KCNQ1: variants seen among roughly 807,000 people sequenced by gnomAD.
KCNQ1 encodes the protein potassium voltage-gated channel subfamily KQT member 1.
KCNQ1 carries 49 observed loss-of-function variants against 72.4 expected under a neutral mutation model. That is an observed-to-expected ratio of 0.68 (90% CI 0.54 to 0.86). The LOEUF is 0.86. Ranked by LOEUF, KCNQ1 falls within the 40% of genes least tolerant of loss-of-function variation. KCNQ1 has a pLI of 0.00. For synonymous variants in KCNQ1, 450 were observed against 412.6 expected, an observed-to-expected ratio of 1.09 and a Z score of -1.10; for missense variants, 790 against 945.1, an observed-to-expected ratio of 0.84 and a Z score of 2.15.
intron 2 of KCNQ1, among the ~76,000 whole-genome samples, chr11:2,561,795 A>G (rs1371612744): frequency 1.3e-5 from 2 of 152,176 alleles, no homozygotes; most frequent in Non-Finnish European, 2.9e-5. Flanking sequence ...CTAGCTGTGC[A>G]GGGGCCCAGA....
intron 15 of KCNQ1, among the ~76,000 whole-genome samples, chr11:2,836,633 G>A (rs992316157): frequency 7.2e-5 from 11 of 152,224 alleles, no homozygotes; most frequent in African/African-American, 1.9e-4. Context: ...CTGCACAGCC[G>A]TCCCAGGAGC....
At position 2,488,072 on chromosome 11, in the gene KCNQ1, G is replaced by A. The variant is rs1227376425; in HGVS notation, c.387-39856G>A. 6.6e-6 allele frequency among the ~76,000 whole-genome samples: 1 copy of A among 152,120 alleles called. No individual in the cohort carries two copies. Among genetic ancestry groups the A allele is most frequent in the Non-Finnish European group, 1.5e-5 (1 of 68,002 alleles). ...CTAGTTTGTTGAGAGTTTTTAATAA[G>A]GATGTTGAATTTTGTCAAATGCTTT... On this transcript the variant is annotated intron_variant, in intron 1 of 15. Coordinates refer to ENST00000155840, the MANE Select transcript of KCNQ1 (RefSeq NM_000218.3). The surrounding 1 kb of genome is among the most constrained non-coding windows in gnomAD (Gnocchi z 5.1).
rs1053641900 is a variant in KCNQ1 at position 2,608,392 on chromosome 11, A to G, written c.1393+19538A>G. On this transcript the variant is annotated intron_variant, in intron 10 of 15. Transcript: ENST00000155840. The surrounding 1 kb of genome is among the most constrained non-coding windows in gnomAD (Gnocchi z 4.6). ...CAATTTCATCTAAGTTTTATAATTT[A>G]TTGGCACAAAATTGTTCATAGTGTT... 2.5e-6 allele frequency: 1 copy of G among 398,438 alleles called. No individual in the cohort carries two copies. The highest frequency in any genetic ancestry group is 2.1e-5 in the African/African-American group (1 of 48,610). 24.7% of individuals were successfully genotyped at this position (398,438 alleles called of 1,614,324 possible). A position where few individuals can be genotyped will look rare whatever the true frequency, so the allele number is the denominator to read the frequency against.
chr11:2,654,308 T>A lies in KCNQ1; in HGVS notation c.1394-7653T>A. 2.8e-6 allele frequency: 1 copy of A among 361,122 alleles called. No individual in the cohort carries two copies. The highest frequency in any genetic ancestry group is 4.8e-6 in the Non-Finnish European group (1 of 206,662). The allele number at this position is 361,122 out of a possible 1,614,324, so 22.4% of individuals were successfully genotyped here. A position where few individuals can be genotyped will look rare whatever the true frequency, so the allele number is the denominator to read the frequency against. On this transcript the variant is annotated intron_variant, in intron 10 of 15. Coordinates refer to ENST00000155840, the MANE Select transcript of KCNQ1 (RefSeq NM_000218.3). This position sits in a 1 kb window ranked among gnomAD's most constrained non-coding sequence, Gnocchi z 6.4. ...AATCCACTGAGAGGGGGAGATTTCT[T>A]GAGGGGGCCAGGGAGGGGGCTTCTA...
chr11:2,583,996 GTGTGT>G (rs1227341719), intron 7 of KCNQ1, among the ~76,000 whole-genome samples: 4 of 152,186 alleles, frequency 2.6e-5, no homozygotes. Flanking sequence ...GTGTGTGTGT[GTGTGT>G]TATGTGCGTA....
intron 11 of KCNQ1, among the ~76,000 whole-genome samples, chr11:2,731,498 GGGC>G (rs1432077090): frequency 5.3e-5 from 8 of 152,236 alleles, no homozygotes; most frequent in Non-Finnish European, 1.0e-4. Context: ...CGGACACCCA[GGGC>G]GGCCATCTCT....
At chr11:2,845,813 C>T (rs1848314366) in intron 15 of KCNQ1, among the ~76,000 whole-genome samples, 1 of 152,288 alleles carries the variant, frequency 6.6e-6, no homozygotes, top group South Asian at 2.1e-4. Context: ...CCCACCTAGC[C>T]CTCTAGACAG....
chr11:2,798,549 GAA>G (rs34275888), intron 15 of KCNQ1, among the ~76,000 whole-genome samples: 9,346 of 142,164 alleles, frequency 0.066, 486 homozygotes, highest in East Asian at 0.26. Flanking sequence ...CGAGTTCCCT[GAA>G]AAAAAAAAAA....
At position 2,817,793 on chromosome 11, in the gene KCNQ1, G is replaced by C. The variant is rs2097647238; in HGVS notation, c.1795-29974G>C. ...ACTCAAAGAGACATGATATCCCCTTGGGCTGCAACTTAAATTCCAAGGAGA... is the reference window on the plus strand; with the variant it reads ...ACTCAAAGAGACATGATATCCCCTTCGGCTGCAACTTAAATTCCAAGGAGA... On this transcript the variant is annotated intron_variant, in intron 15 of 15. Transcript: ENST00000155840. This position sits in a 1 kb window ranked among gnomAD's most constrained non-coding sequence, Gnocchi z 6.1. 6.6e-6 allele frequency among the ~76,000 whole-genome samples: 1 copy of C among 152,042 alleles called. No individual in the cohort carries two copies. Among genetic ancestry groups the C allele is most frequent in the Non-Finnish European group, 1.5e-5 (1 of 68,018 alleles).
rs960185820 is a variant in KCNQ1 at position 2,516,910 on chromosome 11, C to A, written c.387-11018C>A. Among the ~76,000 whole-genome samples, 2 of 152,122 alleles carry A rather than the reference C, an allele frequency of 1.3e-5. No homozygotes were observed. Among genetic ancestry groups the A allele is most frequent in the Non-Finnish European group, 2.9e-5 (2 of 68,016 alleles). Reference sequence around the variant, plus strand: ...ACCCCCCAGAGTTTGCCTGGTGTCACCGGGAAGCTTCCTGGCTGCCCGAGG... The same window carrying A: ...ACCCCCCAGAGTTTGCCTGGTGTCAACGGGAAGCTTCCTGGCTGCCCGAGG... On this transcript the variant is annotated intron_variant, in intron 1 of 15. Transcript: ENST00000155840. This position sits in a 1 kb window ranked among gnomAD's most constrained non-coding sequence, Gnocchi z 7.0.
Position 2,601,470 on chromosome 11 carries a change from T to C in KCNQ1, c.1393+12616T>C, listed in dbSNP as rs1848806180. Among the ~76,000 whole-genome samples, 2 of 152,190 alleles carry C rather than the reference T, an allele frequency of 1.3e-5. No individual in the cohort carries two copies. Among genetic ancestry groups the C allele is most frequent in the Admixed American group, 1.3e-4 (2 of 15,272 alleles). ...TCAGTGGTAGCATCTTCTAAAACCA[T>C]AGCACAATATGATAACCAGGATGTC... On this transcript the variant is annotated intron_variant, in intron 10 of 15. Coordinates refer to ENST00000155840, the MANE Select transcript of KCNQ1 (RefSeq NM_000218.3). This position sits in a 1 kb window ranked among gnomAD's most constrained non-coding sequence, Gnocchi z 5.2.
chr11:2,548,033 C>G (rs993892287), intron 2 of KCNQ1, among the ~76,000 whole-genome samples: 80 of 152,100 alleles, frequency 5.3e-4, no homozygotes, highest in African/African-American at 1.7e-3. Flanking sequence ...GGGCTTGGGG[C>G]GACTCTGGGG....
At chr11:2,829,489 A>G (rs569423476) in intron 15 of KCNQ1, among the ~76,000 whole-genome samples, 55 of 152,354 alleles carry the variant, frequency 3.6e-4, no homozygotes, top group African/African-American at 1.2e-3. Context: ...AACAGACCAC[A>G]GGACACAGCT....
At position 2,723,212 on chromosome 11, in the gene KCNQ1, A is replaced by G. The variant is rs1590053462; in HGVS notation, c.1515-45632A>G. 6.6e-6 allele frequency among the ~76,000 whole-genome samples: 1 copy of G among 152,074 alleles called. No individual in the cohort carries two copies. Among genetic ancestry groups the G allele is most frequent in the Non-Finnish European group, 1.5e-5 (1 of 68,000 alleles). ...GCTGCTTGTCCGTGGTGCTCCACAC[A>G]CCTGCCACAGCTGCTTACCCCACTC... On this transcript the variant is annotated intron_variant, in intron 11 of 15. Transcript: ENST00000155840. This position sits in a 1 kb window ranked among gnomAD's most constrained non-coding sequence, Gnocchi z 4.2.
intron 15 of KCNQ1, among the ~76,000 whole-genome samples, chr11:2,780,455 G>T (rs1442930349): frequency 6.6e-6 from 1 of 152,168 alleles, no homozygotes; most frequent in African/African-American, 2.4e-5. Context: ...AATGCCCGCC[G>T]GCCCTGCCAA....
Position 2,507,204 on chromosome 11 carries a change from C to T in KCNQ1, c.387-20724C>T, listed in dbSNP as rs1375678961. 1.3e-5 allele frequency among the ~76,000 whole-genome samples: 2 copies of T among 152,150 alleles called. No homozygotes were observed. Among genetic ancestry groups the T allele is most frequent in the South Asian group, 2.1e-4 (1 of 4,820 alleles). On this transcript the variant is annotated intron_variant, in intron 1 of 15. Transcript: ENST00000155840. The surrounding 1 kb of genome is among the most constrained non-coding windows in gnomAD (Gnocchi z 5.4). The stretch of plus-strand genomic sequence containing the variant: ...TGTCTTCAGCATTTAGCTCCTTGTC[C>T]GTTTGGAGTTTGCTCTTGTGCATGA...
In KCNQ1 at chr11:2,679,619, T is replaced by C. The variant is rs1179533585; in HGVS notation, c.1514+17538T>C. ...TGGGGAGGCGAGTTGGAATGAATAG[T>C]ATCAGCATCAGAAAAAATACAAGTG... On this transcript the variant is annotated intron_variant, in intron 11 of 15. Transcript: ENST00000155840. This position sits in a 1 kb window ranked among gnomAD's most constrained non-coding sequence, Gnocchi z 4.8. 5.0e-6 allele frequency: 2 copies of C among 398,500 alleles called. No individual in the cohort carries two copies. The highest frequency in any genetic ancestry group is 4.1e-5 in the African/African-American group (2 of 48,626). 24.7% of individuals were successfully genotyped at this position (398,500 alleles called of 1,614,324 possible). A position where few individuals can be genotyped will look rare whatever the true frequency, so the allele number is the denominator to read the frequency against.
chr11:2,459,366 G>T (rs897678379), intron 1 of KCNQ1, among the ~76,000 whole-genome samples: 2 of 152,180 alleles, frequency 1.3e-5, no homozygotes, highest in African/African-American at 2.4e-5. Flanking sequence ...GGGCAGGGGT[G>T]GGGGGCAATC....
intron 7 of KCNQ1, among the ~76,000 whole-genome samples, chr11:2,584,677 T>TTG (rs758714048): frequency 6.6e-6 from 1 of 151,544 alleles, no homozygotes; most frequent in South Asian, 2.1e-4. Flanking sequence ...GGGTTAGTGT[T>TTG]TGTGTGTGTG....
Sources: gnomAD v4.1 joint callset for allele counts (sites outside exome capture counted in the v4.1 genomes callset) on GRCh38, gnomAD v4.1.1 for gene constraint, Gnocchi (gnomAD v3.1) non-coding constraint, MANE v1.5 for transcripts, NCBI Gene and HGNC (gene_info 2026-07-23, HGNC 2026-07-21) for gene names.